The following NFXL1 variants were observed in gnomAD, a reference collection of about 807,000 sequenced individuals.
NFXL1 encodes NF-X1-type zinc finger protein NFXL1.
NFXL1 carries 66 observed loss-of-function variants against 123.3 expected under a neutral mutation model. The ratio of observed to expected loss-of-function variants is 0.54; its 90% CI spans 0.44 to 0.66. The LOEUF is 0.66. NFXL1 is among the 30% of genes least tolerant of loss of function. NFXL1 has a pLI of 0.00. For missense variants in NFXL1, 944 were observed against 1,125.6 expected (o/e 0.84, Z 2.31); for synonymous variants, 346 against 360.8 (o/e 0.96, Z 0.46).
chr4:47,900,491 T>A (rs2110100980), intron 5 of NFXL1, among the ~76,000 whole-genome samples: 2 of 152,344 alleles, frequency 1.3e-5, no homozygotes, highest in South Asian at 4.1e-4. Flanking sequence ...ATTACAGGCG[T>A]GAGCCACTGT....
Position 47,851,133 on chromosome 4 carries a change from C to T in NFXL1, c.2524G>A (p.Ala842Thr). 1 of 1,611,096 alleles carries T rather than the reference C, an allele frequency of 6.2e-7. No individual in the cohort carries two copies. The highest frequency in any genetic ancestry group is 8.5e-7 in the Non-Finnish European group (1 of 1,177,538). Residue 842 changes from alanine to threonine, a missense_variant, in exon 22 of 23, where the codon GCC becomes ACC. By Grantham distance (58) the Ala-to-Thr change is moderately conservative. Around this residue, in one of 4 missense-constraint regions of NFXL1, gnomAD observed 301 missense variants for 348.0 expected, o/e 0.86. Coordinates refer to ENST00000507489, the MANE Select transcript of NFXL1 (RefSeq NM_001278624.2). Reference protein sequence around the residue: ...RKASEIKEAEAKAALEEEKRR... With the variant: ...RKASEIKEAETKAALEEEKRR... ...TTTTCTTCTTCAAGAGCAGCTTTGG[C>T]TTCTGCTTCTTTTATCTGTTTATAC...
chr4:47,868,318 CAAAA>C (rs1213955591), intron 18 of NFXL1, among the ~76,000 whole-genome samples: 2 of 90,828 alleles, frequency 2.2e-5, no homozygotes, highest in Non-Finnish European at 2.3e-5. Context: ...GACTCCGTCT[CAAAA>C]AAAAAAAAAA....
chr4:47,870,628 T>C (rs1578003557), intron 18 of NFXL1, among the ~76,000 whole-genome samples: 1 of 150,606 alleles, frequency 6.6e-6, no homozygotes, highest in African/African-American at 2.4e-5. Flanking sequence ...GCAAAGGACG[T>C]CAACAGCCAA....
At chr4:47,913,753 A>C (rs942768334) in intron 2 of NFXL1, among the ~76,000 whole-genome samples, 12 of 152,224 alleles carry the variant, frequency 7.9e-5, no homozygotes, top group Admixed American at 4.6e-4. Context: ...AACAAAGGTA[A>C]TACCACCTAA....
chr4:47,872,674 A>G (rs1735525803), intron 18 of NFXL1, among the ~76,000 whole-genome samples: 1 of 152,152 alleles, frequency 6.6e-6, no homozygotes, highest in Non-Finnish European at 1.5e-5. Flanking sequence ...ATCATAAAAA[A>G]CAATGTGTAT....
chr4:47,885,710 C>T, intron 13 of NFXL1, 53 bp from the exon 14 acceptor site: 3 of 1,475,868 alleles, frequency 2.0e-6, no homozygotes, highest in Non-Finnish European at 2.8e-6. Flanking sequence ...TGAATAATTA[C>T]ATCTAAAGGA....
intron 18 of NFXL1, among the ~76,000 whole-genome samples, chr4:47,863,752 C>T (rs1222856053): frequency 6.6e-6 from 1 of 152,114 alleles, no homozygotes; most frequent in Non-Finnish European, 1.5e-5. Context: ...CTTTAAAATG[C>T]TTTTATATCT....
At chr4:47,863,690 T>A (rs946415369) in intron 18 of NFXL1, among the ~76,000 whole-genome samples, 12 of 151,832 alleles carry the variant, frequency 7.9e-5, no homozygotes, top group African/African-American at 2.7e-4. Flanking sequence ...TCAAAAAAAA[T>A]AAAATAAAAT....
chr4:47,872,576 C>G (rs1428754699), intron 18 of NFXL1, among the ~76,000 whole-genome samples: 1 of 152,078 alleles, frequency 6.6e-6, no homozygotes, highest in Non-Finnish European at 1.5e-5. Flanking sequence ...CATACTAAAG[C>G]AAGTCACACA....
At position 47,851,927 on chromosome 4, in the gene NFXL1, T is replaced by G. The variant is rs765536223; in HGVS notation, c.2437A>C (p.Lys813Gln). 6.2e-7 allele frequency: 1 copy of G among 1,609,768 alleles called. No individual in the cohort carries two copies. The highest frequency in any genetic ancestry group is 1.3e-5 in the African/African-American group (1 of 74,968). ...KRIKKELQCNKVRENQVSIEC... is the reference protein window; with the variant it reads ...KRIKKELQCNQVRENQVSIEC... Reference sequence around the variant, plus strand: ...ATTGAAACCTGATTTTCACGTACTTTGTTGCACTGCAATTCCTACAAACAA... The same window carrying G: ...ATTGAAACCTGATTTTCACGTACTTGGTTGCACTGCAATTCCTACAAACAA... The change falls in exon 21 of 23, where the codon AAA becomes CAA. Residue 813 changes from lysine to glutamine, a missense_variant. By Grantham distance (53) the Lys-to-Gln change is moderately conservative. Coordinates refer to ENST00000507489, the MANE Select transcript of NFXL1 (RefSeq NM_001278624.2).
rs1407048472 is a variant in NFXL1 at position 47,903,231 on chromosome 4, A to C, written c.609T>G (p.Thr203=). The change falls in exon 5 of 23, where the codon ACT becomes ACG. Residue 203 remains threonine (T), a synonymous_variant. Coordinates refer to ENST00000507489, the MANE Select transcript of NFXL1 (RefSeq NM_001278624.2). ...AATCTTTCTTTCCAAAATCATCATCAGTCACAGAAGATACAAGAAACTGGC... is the reference window on the plus strand; with the variant it reads ...AATCTTTCTTTCCAAAATCATCATCCGTCACAGAAGATACAAGAAACTGGC... ...KDSQFLVSSV[T]DDDFGKKDCP... 6.3e-7 allele frequency: 1 copy of C among 1,597,658 alleles called. No individual in the cohort carries two copies. The highest frequency in any genetic ancestry group is 1.1e-5 in the South Asian group (1 of 88,950).
intron 18 of NFXL1, among the ~76,000 whole-genome samples, chr4:47,872,126 C>T (rs1000983824): frequency 1.3e-5 from 2 of 152,038 alleles, no homozygotes; most frequent in Admixed American, 6.5e-5. Flanking sequence ...ATAACAGCAA[C>T]GCTTGTAATA....
rs987353257 is a variant in NFXL1, at chr4:47,913,954, G to T, written c.235+15C>A. The T allele has an allele frequency of 2.6e-6, 4 of 1,528,992 alleles. No homozygotes were observed. Among genetic ancestry groups the T allele is most frequent in the Non-Finnish European group, 3.5e-6 (4 of 1,132,246 alleles). The allele number at this position is 1,528,992 out of a possible 1,614,324, so 94.7% of individuals were successfully genotyped here. Reference sequence around the variant, plus strand: ...GAGGCATCCAGGTGAGCACGCGGGCGGGAGCCATTCTCACCGCTGGCTGCG... The same window carrying T: ...GAGGCATCCAGGTGAGCACGCGGGCTGGAGCCATTCTCACCGCTGGCTGCG... On this transcript the variant is annotated intron_variant, in intron 2 of 22. Coordinates refer to ENST00000507489, the MANE Select transcript of NFXL1 (RefSeq NM_001278624.2).
intron 17 of NFXL1, among the ~76,000 whole-genome samples, chr4:47,876,518 G>A (rs563605624): frequency 6.6e-6 from 1 of 152,252 alleles, no homozygotes; most frequent in African/African-American, 2.4e-5. Context: ...GCAAGAGAGT[G>A]ATGAGAAGTC....
intron 15 of NFXL1, among the ~76,000 whole-genome samples, chr4:47,883,226 C>T (rs1203063248): frequency 2.6e-5 from 4 of 151,294 alleles, no homozygotes; most frequent in South Asian, 2.1e-4. Flanking sequence ...GCCTGGGTGA[C>T]GGAGACTCCG....
chr4:47,853,822 C>T (rs911646135), intron 20 of NFXL1, among the ~76,000 whole-genome samples: 1 of 152,030 alleles, frequency 6.6e-6, no homozygotes, highest in African/African-American at 2.4e-5. Context: ...CCTACACATA[C>T]ACATTTTTTA....
intron 19 of NFXL1, among the ~76,000 whole-genome samples, chr4:47,861,108 G>A (rs749150122): frequency 4.0e-5 from 6 of 149,800 alleles, no homozygotes; most frequent in South Asian, 2.1e-4. Context: ...TCATCCACCC[G>A]CCTCAGCCTC....
Position 47,874,249 on chromosome 4 carries a change from T to C in NFXL1, c.2246+878A>G, listed in dbSNP as rs186718466. Among the ~76,000 whole-genome samples, 4 of 152,360 alleles carry C rather than the reference T, an allele frequency of 2.6e-5. No individual in the cohort carries two copies. The East Asian group carries it at 7.7e-4, about 29-fold the overall frequency. ...TTGCATTCACAACGTGGCTAACTGT[T>C]TGGTGCAAGAGACCTAACTTTTAGC... On this transcript the variant is annotated intron_variant, in intron 18 of 22. Transcript: ENST00000507489.
chr4:47,859,597 C>G (rs186087483), intron 19 of NFXL1, among the ~76,000 whole-genome samples: 7 of 152,150 alleles, frequency 4.6e-5, no homozygotes, highest in African/African-American at 1.7e-4. Flanking sequence ...AATCCCAGCA[C>G]TTTGGGAGGC....
Sources: allele counts gnomAD v4.1 joint callset (sites outside exome capture counted in the v4.1 genomes callset), GRCh38; gene constraint gnomAD v4.1.1; regional missense constraint gnomAD v4.1.1; transcripts MANE v1.5; gene names NCBI Gene and HGNC (gene_info 2026-07-23, HGNC 2026-07-21).